ADGRV1: variants seen among roughly 807,000 people sequenced by gnomAD.
The protein encoded by ADGRV1 is G-protein coupled receptor 98.
ADGRV1 carries 359 observed loss-of-function variants against 596.2 expected under a neutral mutation model. The ratio of observed to expected loss-of-function variants is 0.60; its 90% CI spans 0.55 to 0.66. The LOEUF is 0.66. Ranked by LOEUF, ADGRV1 falls within the 30% of genes least tolerant of loss-of-function variation. The pLI is 0.00. For synonymous variants in ADGRV1, 2,681 were observed against 2,679.2 expected, an observed-to-expected ratio of 1.00 and a Z score of -0.02; for missense variants, 7,274 against 7,575.6, an observed-to-expected ratio of 0.96 and a Z score of 1.48.
intron 85 of ADGRV1, among the ~76,000 whole-genome samples, chr5:90,986,098 T>C (rs890835390): frequency 9.3e-4 from 131 of 140,308 alleles, no homozygotes; most frequent in Non-Finnish European, 1.7e-3. Context: ...AATATATATA[T>C]ATATATATTA....
intron 1 of ADGRV1, among the ~76,000 whole-genome samples, chr5:90,566,553 T>G (rs1429980174): frequency 6.6e-6 from 1 of 152,154 alleles, no homozygotes; most frequent in Non-Finnish European, 1.5e-5. Flanking sequence ...CATATTTTGT[T>G]AAATTTCTTC....
chr5:90,809,517 G>A (rs1430098874), intron 73 of ADGRV1, among the ~76,000 whole-genome samples: 2 of 152,258 alleles, frequency 1.3e-5, no homozygotes, highest in Admixed American at 6.5e-5. Context: ...ACTGTTTTAT[G>A]TACTGAGTGC....
At chr5:90,918,252 G>T (rs76207557) in intron 83 of ADGRV1, among the ~76,000 whole-genome samples, 1,859 of 152,204 alleles carry the variant, frequency 0.012, 32 homozygotes, top group African/African-American at 0.042. Flanking sequence ...TGACCCCACA[G>T]AAAGCCTAAT....
chr5:90,985,355 C>T lies in ADGRV1; in HGVS notation c.17985C>T (p.Phe5995=), dbSNP rs959882836. Reference sequence around the variant, plus strand: ...GTTTTCTTCCTTAGTCTGTGAATTTCTGGTACGTGCTGGTGATGAATGATG... The same window carrying T: ...GTTTTCTTCCTTAGTCTGTGAATTTTTGGTACGTGCTGGTGATGAATGATG... The part of the protein sequence containing the change: ...FSWMLIQSVN[F]WYVLVMNDEH... Residue 5995 remains phenylalanine (F), a synonymous_variant, in exon 85 of 90, where the codon TTC becomes TTT. Transcript: ENST00000405460. The T allele has an allele frequency of 1.9e-6, 3 of 1,606,232 alleles. No individual in the cohort carries two copies. The African/African-American group carries it at 4.0e-5, about 21-fold the overall frequency.
At chr5:90,658,349 T>G in intron 21 of ADGRV1, 71 bp downstream of exon 21, 1 of 1,396,956 alleles carries the variant, frequency 7.2e-7, no homozygotes. Context: ...GACTCGGCTT[T>G]CTTTCATTTG....
intron 1 of ADGRV1, among the ~76,000 whole-genome samples, chr5:90,595,043 A>T (rs1189812261): frequency 1.4e-5 from 2 of 141,060 alleles, no homozygotes; most frequent in African/African-American, 5.6e-5. Context: ...GGGGCTCCTC[A>T]CTTCCCAGTA....
chr5:91,090,196 A>G (rs948916262), intron 86 of ADGRV1, among the ~76,000 whole-genome samples: 1 of 152,194 alleles, frequency 6.6e-6, no homozygotes, highest in Non-Finnish European at 1.5e-5. Context: ...TTCCTTAAGA[A>G]TCACAGATCT....
intron 2 of ADGRV1, among the ~76,000 whole-genome samples, chr5:90,616,313 A>C (rs969668867): frequency 6.6e-6 from 1 of 152,078 alleles, no homozygotes; most frequent in Admixed American, 6.6e-5. Flanking sequence ...CTCATGCAGA[A>C]TCTTACTAAT....
chr5:91,128,855 C>T (rs947522124), intron 87 of ADGRV1, among the ~76,000 whole-genome samples: 1 of 152,132 alleles, frequency 6.6e-6, no homozygotes, highest in Non-Finnish European at 1.5e-5. Flanking sequence ...GAAATAAATG[C>T]TCTTTTTAAG....
At chr5:91,107,588 A>G (rs1023866303) in intron 87 of ADGRV1, among the ~76,000 whole-genome samples, 2 of 152,172 alleles carry the variant, frequency 1.3e-5, no homozygotes, top group Non-Finnish European at 1.5e-5. Flanking sequence ...AGGCAAGGTC[A>G]TTTGTTGAGA....
intron 4 of ADGRV1, among the ~76,000 whole-genome samples, chr5:90,621,216 A>G (rs1285402214): frequency 1.3e-5 from 2 of 152,222 alleles, no homozygotes; most frequent in African/African-American, 2.4e-5. Flanking sequence ...TTAATAAAAC[A>G]CGTTGCAATA....
intron 85 of ADGRV1, among the ~76,000 whole-genome samples, chr5:91,018,465 A>C (rs1783358601): frequency 6.6e-6 from 1 of 151,944 alleles, no homozygotes; most frequent in Admixed American, 6.6e-5. Flanking sequence ...AAAAGCTGAG[A>C]TTTATGTTAC....
chr5:90,810,807 A>G lies in ADGRV1; in HGVS notation c.15547A>G (p.Thr5183Ala). 1 of 1,614,006 alleles carries G rather than the reference A, an allele frequency of 6.2e-7. No homozygotes were observed. Among genetic ancestry groups the G allele is most frequent in the Non-Finnish European group, 8.5e-7 (1 of 1,179,880 alleles). The change falls in exon 74 of 90, where the codon ACT becomes GCT. Residue 5183 changes from threonine to alanine, a missense_variant. Physicochemically the swap from Thr to Ala is moderately conservative, Grantham distance 58. Transcript: ENST00000405460. Reference sequence around the variant, plus strand: ...CGTGGTTGCCATTGTTACTGAGGCAACTGGTGTATCTGCCATCCCTGAGAA... The same window carrying G: ...CGTGGTTGCCATTGTTACTGAGGCAGCTGGTGTATCTGCCATCCCTGAGAA... The part of the protein sequence containing the change: ...TNVVAIVTEA[T>A]GVSAIPEKLV...
chr5:91,161,303 GC>G (rs1796924739), intron 89 of ADGRV1, among the ~76,000 whole-genome samples: 1 of 152,132 alleles, frequency 6.6e-6, no homozygotes, highest in Non-Finnish European at 1.5e-5. Context: ...TCCTTCGAAG[GC>G]CTGGAAGTAG....
rs201364444 is a variant in ADGRV1, at chr5:90,928,915, C to T, written c.17857-36500C>T. ...CGTGTGAGGTGTCAGTGTGCCCCTGCTGGGGGGTGCCTCCCAGTTAGGCTG... is the reference window on the plus strand; with the variant it reads ...CGTGTGAGGTGTCAGTGTGCCCCTGTTGGGGGGTGCCTCCCAGTTAGGCTG... On this transcript the variant is annotated intron_variant, in intron 83 of 89. Transcript: ENST00000405460. 4.9e-3 allele frequency among the ~76,000 whole-genome samples: 656 copies of T among 133,146 alleles called. 1 individual carries two copies. The highest frequency in any genetic ancestry group is 6.0e-3 in the African/African-American group (208 of 34,774). 87.3% of individuals were successfully genotyped at this position (133,146 alleles called of 152,430 possible).
chr5:91,054,639 C>T (rs1786674545), intron 85 of ADGRV1, among the ~76,000 whole-genome samples: 1 of 152,154 alleles, frequency 6.6e-6, no homozygotes, highest in African/African-American at 2.4e-5. Flanking sequence ...TATAACCTCC[C>T]TTGTCAGGAA....
rs1486169261 is a variant in ADGRV1, at chr5:90,818,494, G to A, written c.16196+2758G>A. Among the ~76,000 whole-genome samples the A allele has an allele frequency of 8.0e-5, 12 of 150,056 alleles. No individual in the cohort carries two copies. In the East Asian group the frequency reaches 1.8e-3, roughly 22 times the overall value. On this transcript the variant is annotated intron_variant, in intron 75 of 89. Transcript: ENST00000405460. Reference sequence around the variant, plus strand: ...GAGAGGGCATCCCTGTCTTGTGCCAGTTTTCAAAGGGAATGCTTCCAGTTT... The same window carrying A: ...GAGAGGGCATCCCTGTCTTGTGCCAATTTTCAAAGGGAATGCTTCCAGTTT...
At chr5:90,862,353 TACTCAC>T (rs1281985460) in intron 82 of ADGRV1, among the ~76,000 whole-genome samples, 4 of 39,426 alleles carry the variant, frequency 1.0e-4, no homozygotes, top group African/African-American at 1.6e-4. Context: ...GTCAGTATAT[TACTCAC>T]ACACACACAC....
chr5:90,765,494 A>AT (rs571567233), intron 59 of ADGRV1, among the ~76,000 whole-genome samples: 1 of 151,154 alleles, frequency 6.6e-6, no homozygotes, highest in East Asian at 1.9e-4. Context: ...CTGAAATCAA[A>AT]TTTTTTTTGA....
Sources: allele counts gnomAD v4.1 joint callset (sites outside exome capture counted in the v4.1 genomes callset), GRCh38; gene constraint gnomAD v4.1.1; transcripts MANE v1.5; gene names NCBI Gene and HGNC (gene_info 2026-07-23, HGNC 2026-07-21).